CPSF7: variants seen among roughly 807,000 people sequenced by gnomAD.
CPSF7 encodes cleavage and polyadenylation specific factor 7, also known as cleavage and polyadenylation specificity factor subunit 7.
CPSF7 carries 1 observed loss-of-function variant against 44.3 expected under a neutral mutation model. The ratio of observed to expected loss-of-function variants is 0.02; its 90% CI spans 0.01 to 0.11. The LOEUF is 0.11. Among genes scored for constraint, CPSF7 ranks in the 10% least tolerant of loss-of-function variants. The probability of loss-of-function intolerance (pLI) is 1.00; values close to 1 mark genes in which losing one functional copy is unlikely to be tolerated. For synonymous variants in CPSF7, 202 were observed against 222.0 expected, an observed-to-expected ratio of 0.91 and a Z score of 0.80; for missense variants, 443 against 607.2, an observed-to-expected ratio of 0.73 and a Z score of 2.84.
chr11:61,409,617 CCTCT>C (rs1045222897), intron 9 of CPSF7, among the ~76,000 whole-genome samples: 41 of 152,174 alleles, frequency 2.7e-4, no homozygotes, highest in African/African-American at 6.3e-4. Flanking sequence ...TCAGCTTTCT[CCTCT>C]CTGACTAAAG....
At chr11:61,419,810 A>T in intron 5 of CPSF7, 139 bp downstream of exon 5, 1 of 1,000,032 alleles carries the variant, frequency 1.0e-6, no homozygotes. Context: ...CCATGACACC[A>T]CTCACAACCA....
chr11:61,413,326 A>G lies in CPSF7; in HGVS notation c.1058-1389T>C, dbSNP rs113510519. ...TTTACATAAAACATGTATGCGTAGTATATGTATACATTAAAAAAATTATGG... is the reference window on the plus strand; with the variant it reads ...TTTACATAAAACATGTATGCGTAGTGTATGTATACATTAAAAAAATTATGG... On this transcript the variant is annotated intron_variant, in intron 7 of 9. Coordinates refer to ENST00000439958, the MANE Select transcript of CPSF7 (RefSeq NM_001142565.3). Among the ~76,000 whole-genome samples the G allele has an allele frequency of 9.2e-5, 14 of 152,274 alleles. 2 individuals carry two copies. The highest frequency in any genetic ancestry group is 3.1e-4 in the African/African-American group (13 of 41,562).
intron 9 of CPSF7, among the ~76,000 whole-genome samples, chr11:61,409,930 A>C (rs1859698159): frequency 6.6e-6 from 1 of 152,038 alleles, no homozygotes; most frequent in Non-Finnish European, 1.5e-5. Context: ...AGATCATGCC[A>C]CTATACTCCA....
At chr11:61,424,891 T>C (rs1481004169) in intron 2 of CPSF7, among the ~76,000 whole-genome samples, 1 of 152,204 alleles carries the variant, frequency 6.6e-6, no homozygotes, top group East Asian at 1.9e-4. Context: ...TGTCTAAAAT[T>C]TGTAATGTAA....
chr11:61,421,038 A>C, intron 3 of CPSF7: 1 of 1,301,608 alleles, frequency 7.7e-7, no homozygotes. Context: ...CAAGGTCTTT[A>C]ATCCCCATCA....
At chr11:61,408,131 A>C (rs1254704458) in intron 9 of CPSF7, among the ~76,000 whole-genome samples, 1 of 146,988 alleles carries the variant, frequency 6.8e-6, no homozygotes, top group Admixed American at 6.9e-5. Flanking sequence ...ATCTCGGCTC[A>C]CTGCAAGCTC....
intron 6 of CPSF7, 31 bp downstream of exon 6, chr11:61,416,074 G>A: frequency 6.8e-7 from 1 of 1,481,284 alleles, no homozygotes; most frequent in South Asian, 1.5e-5. Flanking sequence ...ATTTACCCTG[G>A]CTCAAATCTG....
chr11:61,407,424 A>G (rs1202751220), intron 9 of CPSF7, among the ~76,000 whole-genome samples: 2 of 152,210 alleles, frequency 1.3e-5, no homozygotes, highest in African/African-American at 4.8e-5. Context: ...TTAGGACTGG[A>G]CCAAGACCAA....
At chr11:61,407,015 C>T (rs1050074959) in intron 9 of CPSF7, among the ~76,000 whole-genome samples, 1 of 152,178 alleles carries the variant, frequency 6.6e-6, no homozygotes, top group Non-Finnish European at 1.5e-5. Context: ...AAGCGATCTG[C>T]CCCTCTCGGC....
At chr11:61,404,782 AAC>A (rs1859151263) in intron 9 of CPSF7, 78 bp from the exon 10 acceptor site, 1 of 152,202 alleles carries the variant, frequency 6.6e-6, no homozygotes, top group African/African-American at 2.4e-5. Flanking sequence ...GCTTATATAA[AAC>A]ACACATATTC....
chr11:61,429,358 T>C (rs1316170099), intron 1 of CPSF7, 68 bp from the exon 2 acceptor site: 2 of 921,470 alleles, frequency 2.2e-6, no homozygotes, highest in Non-Finnish European at 3.6e-6. Flanking sequence ...AGGGTAATGA[T>C]TGCTAACCTC....
intron 9 of CPSF7, chr11:61,405,959 G>A (rs1306949421): frequency 3.3e-5 from 5 of 152,288 alleles, no homozygotes; most frequent in East Asian, 1.9e-4. Flanking sequence ...CTTTGAATTC[G>A]ATCCAAATTG....
chr11:61,412,827 C>G (rs1298954624), intron 7 of CPSF7, among the ~76,000 whole-genome samples: 1 of 152,124 alleles, frequency 6.6e-6, no homozygotes, highest in Non-Finnish European at 1.5e-5. Flanking sequence ...TTGAAACAAG[C>G]AAGTTTCAAA....
intron 2 of CPSF7, 102 bp downstream of exon 2, chr11:61,429,080 G>C (rs1451321657): frequency 4.4e-6 from 3 of 687,636 alleles, no homozygotes; most frequent in African/African-American, 3.6e-5. Flanking sequence ...ATAGACGCGT[G>C]TTCAAGCCTA....
chr11:61,429,606 AG>A, intron 1 of CPSF7: 3 of 824,208 alleles, frequency 3.6e-6, no homozygotes, highest in Non-Finnish European at 5.5e-6. Flanking sequence ...ACCGCGGCGA[AG>A]CCCGCAGCCC....
chr11:61,418,001 T>C (rs575653811), intron 5 of CPSF7, among the ~76,000 whole-genome samples: 61 of 152,294 alleles, frequency 4.0e-4, no homozygotes, highest in Non-Finnish European at 7.4e-4. Context: ...CCAATACAGT[T>C]GTAAAATTAC....
chr11:61,425,890 A>T (rs1462143290), intron 2 of CPSF7, among the ~76,000 whole-genome samples: 1 of 152,166 alleles, frequency 6.6e-6, no homozygotes, highest in East Asian at 1.9e-4. Flanking sequence ...TGCTTAGCAA[A>T]CACAAGTAGC....
intron 5 of CPSF7, among the ~76,000 whole-genome samples, chr11:61,419,704 A>C (rs1860681508): frequency 6.6e-6 from 1 of 152,182 alleles, no homozygotes; most frequent in Non-Finnish European, 1.5e-5. Flanking sequence ...AGGTCACACG[A>C]GTCAGTGGCA....
chr11:61,415,970 A>C (rs1860293010), intron 6 of CPSF7, 135 bp downstream of exon 6: 1 of 938,000 alleles, frequency 1.1e-6, no homozygotes, highest in Non-Finnish European at 1.6e-6. Context: ...ACTACTTCCC[A>C]GGAGTCAATG....
Sources: allele counts gnomAD v4.1 joint callset (sites outside exome capture counted in the v4.1 genomes callset), GRCh38; gene constraint gnomAD v4.1.1; transcripts MANE v1.5; gene names NCBI Gene and HGNC (gene_info 2026-07-23, HGNC 2026-07-21).